The following DCC variants were observed in gnomAD, a reference collection of about 807,000 sequenced individuals.
The protein encoded by DCC is netrin receptor DCC.
DCC carries 58 observed loss-of-function variants against 172.5 expected under a neutral mutation model. The observed-to-expected ratio is 0.34, with a 90% CI of 0.27 to 0.42. DCC has a LOEUF of 0.42. DCC is among the 10% of genes least tolerant of loss of function. The pLI is 1.00. For synonymous variants in DCC, 709 were observed against 644.5 expected, an observed-to-expected ratio of 1.10 and a Z score of -1.52; for missense variants, 1,740 against 1,791.0, an observed-to-expected ratio of 0.97 and a Z score of 0.51.
chr18:53,457,008 G>A (rs538258604), intron 23 of DCC, among the ~76,000 whole-genome samples: 2 of 152,316 alleles, frequency 1.3e-5, no homozygotes, highest in South Asian at 4.1e-4. Flanking sequence ...TAAGAGATAC[G>A]ATAGGAAATA....
At chr18:53,289,103 A>T (rs1367632) in intron 12 of DCC, among the ~76,000 whole-genome samples, 4,067 of 152,242 alleles carry the variant, frequency 0.027, 98 homozygotes, top group East Asian at 0.13. Flanking sequence ...CTTTACAGAC[A>T]TTAATTAGTT....
chr18:52,874,687 G>T (rs1050270935), intron 2 of DCC, among the ~76,000 whole-genome samples: 1 of 152,036 alleles, frequency 6.6e-6, no homozygotes, highest in African/African-American at 2.4e-5. Flanking sequence ...TTGGTATTTT[G>T]TTTAATGAAA....
At chr18:52,841,337 G>A (rs146374437) in intron 2 of DCC, among the ~76,000 whole-genome samples, 1 of 151,870 alleles carries the variant, frequency 6.6e-6, no homozygotes, top group African/African-American at 2.4e-5. Flanking sequence ...TTGTAGGAGA[G>A]TAAGACTAGA....
chr18:53,530,497 C>T (rs1353856289), intron 28 of DCC, 67 bp from the exon 29 acceptor site: 6 of 907,884 alleles, frequency 6.6e-6, no homozygotes, highest in South Asian at 1.3e-5. Context: ...CTAGCTGTGG[C>T]CCCGGCCTTC....
intron 5 of DCC, among the ~76,000 whole-genome samples, chr18:52,955,875 A>T (rs1004313388): frequency 5.3e-5 from 8 of 151,796 alleles, no homozygotes; most frequent in African/African-American, 1.9e-4. Flanking sequence ...TGATGAGGTG[A>T]CTGTTTATGT....
At chr18:53,510,991 T>C (rs910943410) in intron 27 of DCC, among the ~76,000 whole-genome samples, 1 of 152,232 alleles carries the variant, frequency 6.6e-6, no homozygotes, top group Non-Finnish European at 1.5e-5. Context: ...ATTTAAGCCT[T>C]ACTTATCAGC....
chr18:52,612,449 A>ATT (rs34432767), intron 1 of DCC, among the ~76,000 whole-genome samples: 3,728 of 145,346 alleles, frequency 0.026, 72 homozygotes, highest in Non-Finnish European at 0.04. Context: ...AGTGGCTTTG[A>ATT]TTTTTTTTTT....
chr18:52,980,885 G>T (rs566441288), intron 5 of DCC, among the ~76,000 whole-genome samples: 37 of 150,334 alleles, frequency 2.5e-4, no homozygotes, highest in Non-Finnish European at 5.0e-4. Context: ...AGGCTAATCT[G>T]ATTTTTTCAT....
intron 1 of DCC, among the ~76,000 whole-genome samples, chr18:52,539,289 G>A (rs1032392259): frequency 6.6e-6 from 1 of 152,024 alleles, no homozygotes; most frequent in African/African-American, 2.4e-5. Context: ...GATCTAAGAG[G>A]GAGTTCAAGG....
intron 1 of DCC, among the ~76,000 whole-genome samples, chr18:52,416,336 A>G (rs1442832219): frequency 1.4e-3 from 206 of 151,722 alleles, no homozygotes; most frequent in African/African-American, 4.7e-3. Context: ...GTGCTGAAAA[A>G]AATGTATATT....
At chr18:52,961,180 T>C (rs1388546633) in intron 5 of DCC, among the ~76,000 whole-genome samples, 4 of 152,136 alleles carry the variant, frequency 2.6e-5, no homozygotes, top group Non-Finnish European at 2.9e-5. Context: ...TTAGGAGATA[T>C]ACCTAATGTT....
chr18:52,948,998 T>C (rs146048246), intron 5 of DCC, among the ~76,000 whole-genome samples: 2 of 152,332 alleles, frequency 1.3e-5, no homozygotes, highest in African/African-American at 4.8e-5. Context: ...CATGCCATGC[T>C]TCCTCTGTGA....
intron 15 of DCC, among the ~76,000 whole-genome samples, chr18:53,362,447 C>G (rs1470897773): frequency 6.6e-6 from 1 of 152,096 alleles, no homozygotes; most frequent in African/African-American, 2.4e-5. Context: ...AGTGATTTTT[C>G]TGTTGTTGGT....
intron 7 of DCC, among the ~76,000 whole-genome samples, chr18:53,138,581 A>G (rs941273694): frequency 2.0e-5 from 3 of 152,240 alleles, no homozygotes; most frequent in African/African-American, 7.2e-5. Flanking sequence ...GCAAATTAGC[A>G]TCTGTGATTC....
chr18:53,425,217 C>G (rs1910844219), intron 21 of DCC, among the ~76,000 whole-genome samples: 2 of 151,850 alleles, frequency 1.3e-5, no homozygotes, highest in Admixed American at 6.6e-5. Context: ...TCTGCCACAG[C>G]CTTGTTTTGT....
intron 7 of DCC, among the ~76,000 whole-genome samples, chr18:53,099,484 T>C (rs985241550): frequency 1.3e-5 from 2 of 152,162 alleles, no homozygotes; most frequent in African/African-American, 4.8e-5. Flanking sequence ...CCCCAGAATA[T>C]AGTTTCAATT....
rs2144907792 is a variant in DCC at position 52,643,782 on chromosome 18, C to T, written c.92-108272C>T. Among the ~76,000 whole-genome samples the T allele has an allele frequency of 1.3e-5, 2 of 152,258 alleles. 1 individual carries two copies. Among genetic ancestry groups the T allele is most frequent in the South Asian group, 4.1e-4 (2 of 4,826 alleles). ...AGAAAAACAAATGGGGTCATGAGTG[C>T]CAAGAACTTGTAGGCAAAGAGGAGA... is the stretch of plus-strand genomic sequence containing the variant. On this transcript the variant is annotated intron_variant, in intron 1 of 28. Transcript: ENST00000442544.
intron 5 of DCC, among the ~76,000 whole-genome samples, chr18:52,998,816 T>TTGTG (rs79283122): frequency 4.6e-5 from 7 of 151,352 alleles, no homozygotes; most frequent in Admixed American, 4.6e-4. Flanking sequence ...GTTTTTAGGT[T>TTGTG]TGTGTGTGTG....
chr18:52,783,817 G>A (rs1260272525), intron 2 of DCC, among the ~76,000 whole-genome samples: 1 of 151,850 alleles, frequency 6.6e-6, no homozygotes, highest in Non-Finnish European at 1.5e-5. Context: ...ATAAATTGAT[G>A]CATAATGATT....
Sources: gnomAD v4.1 joint callset for allele counts (sites outside exome capture counted in the v4.1 genomes callset) on GRCh38, gnomAD v4.1.1 for gene constraint, MANE v1.5 for transcripts, NCBI Gene and HGNC (gene_info 2026-07-23, HGNC 2026-07-21) for gene names.